AKT1: variants seen among roughly 807,000 people sequenced by gnomAD.
AKT1 encodes the protein AKT serine/threonine kinase 1.
In AKT1, 21 loss-of-function variants were observed where a neutral mutation model predicts 63.1. The observed-to-expected ratio is 0.33, with a 90% CI of 0.24 to 0.48. The LOEUF is 0.48. AKT1 is among the 20% of genes least tolerant of loss of function. The pLI, the probability that AKT1 is intolerant of heterozygous loss-of-function variation, is 0.99. For missense variants in AKT1, 382 were observed against 666.0 expected, an observed-to-expected ratio of 0.57 and a Z score of 4.69; for synonymous variants, 257 against 253.1, an observed-to-expected ratio of 1.02 and a Z score of -0.15.
chr14:104,773,816 G>C, intron 9 of AKT1, 96 bp downstream of exon 9: 1 of 1,350,906 alleles, frequency 7.4e-7, no homozygotes, highest in South Asian at 1.3e-5. Flanking sequence ...GCACCGTCTG[G>C]TGCCATGGAG....
chr14:104,781,482 C>T (rs1356084792), intron 3 of AKT1, among the ~76,000 whole-genome samples: 1 of 152,146 alleles, frequency 6.6e-6, no homozygotes, highest in Non-Finnish European at 1.5e-5. Context: ...GCTCAGAGGA[C>T]ATGGGTCATG....
intron 4 of AKT1, 76 bp from the exon 5 acceptor site, chr14:104,776,846 C>T: frequency 1.6e-6 from 2 of 1,240,276 alleles, no homozygotes; most frequent in African/African-American, 3.0e-5. Flanking sequence ...CCCCGCTGCA[C>T]CAGCCAGCTC....
At chr14:104,790,150 G>A (rs560120450) in intron 3 of AKT1, among the ~76,000 whole-genome samples, 3 of 152,348 alleles carry the variant, frequency 2.0e-5, no homozygotes, top group African/African-American at 2.4e-5. Context: ...TAGCCGTGGT[G>A]GGACTGTCAC....
intron 4 of AKT1, among the ~76,000 whole-genome samples, chr14:104,779,548 G>A (rs968545570): frequency 8.6e-5 from 13 of 151,998 alleles, no homozygotes; most frequent in South Asian, 2.1e-4. Context: ...CCACTTGTCC[G>A]GACCCTCCAG....
At chr14:104,783,295 C>G (rs1893163110) in intron 3 of AKT1, among the ~76,000 whole-genome samples, 1 of 152,142 alleles carries the variant, frequency 6.6e-6, no homozygotes, top group South Asian at 2.1e-4. Context: ...TGTTGTGGTC[C>G]TCAGATGCCC....
intron 8 of AKT1, 174 bp from the exon 9 acceptor site, chr14:104,774,154 T>C: frequency 1.7e-6 from 1 of 587,302 alleles, no homozygotes; most frequent in Non-Finnish European, 3.1e-6. Flanking sequence ...GATACCACAC[T>C]GCCCCACACC....
At chr14:104,776,547 C>A in intron 5 of AKT1, 112 bp downstream of exon 5, 1 of 892,752 alleles carries the variant, frequency 1.1e-6, no homozygotes, top group Non-Finnish European at 1.7e-6. Flanking sequence ...CCTGGGAGCA[C>A]TGGGGAGTGA....
chr14:104,773,876 G>A (rs2140909554), intron 9 of AKT1, 36 bp downstream of exon 9: 1 of 1,571,488 alleles, frequency 6.4e-7, no homozygotes, highest in Non-Finnish European at 8.7e-7. Context: ...CGGCCCACAG[G>A]CCGCGAAGTC....
At position 104,769,806 on chromosome 14, in the gene AKT1, C is replaced by T. The variant is rs968773919; in HGVS notation, c.*535G>A. 2 of 389,896 alleles carry T rather than the reference C, an allele frequency of 5.1e-6. No homozygotes were observed. The highest frequency in any genetic ancestry group is 4.8e-5 in the South Asian group (2 of 41,974). 24.2% of individuals were successfully genotyped at this position (389,896 alleles called of 1,614,324 possible). The stretch of plus-strand genomic sequence containing the variant: ...ATCCCAGGGGCCCAGCCTCCGATGA[C>T]GTCCTCAGAGACACGGCCTTAGTGC... On this transcript the variant is annotated 3_prime_UTR_variant, in exon 15 of 15. Coordinates refer to ENST00000649815, the MANE Select transcript of AKT1 (RefSeq NM_001382430.1).
At chr14:104,777,101 A>T (rs1454247297) in intron 4 of AKT1, 1 of 299,906 alleles carries the variant, frequency 3.3e-6, no homozygotes. Flanking sequence ...GATGAGGGGT[A>T]TGGAGATCCC....
Position 104,780,713 on chromosome 14 carries a change from GC to G in AKT1, c.47-498del, listed in dbSNP as rs35707077. The stretch of plus-strand genomic sequence containing the variant: ...CTTGTGTGGGCTGCCCAGCATGGCC[GC>G]CCCCCCCGCCCCGCCGCCACCCACC... On this transcript the variant is annotated intron_variant, in intron 3 of 14. Coordinates refer to ENST00000649815, the MANE Select transcript of AKT1 (RefSeq NM_001382430.1). Among the ~76,000 whole-genome samples the G allele has an allele frequency of 2.7e-3, 414 of 150,840 alleles. 1 individual carries two copies. Among genetic ancestry groups the G allele is most frequent in the African/African-American group, 9.2e-3 (374 of 40,872 alleles).
chr14:104,783,299 G>T (rs1469854826), intron 3 of AKT1, among the ~76,000 whole-genome samples: 1 of 152,142 alleles, frequency 6.6e-6, no homozygotes, highest in Non-Finnish European at 1.5e-5. Flanking sequence ...GTGGTCCTCA[G>T]ATGCCCCCCA....
Position 104,772,943 on chromosome 14 carries a change from C to T in AKT1, c.1107G>A (p.Pro369=), listed in dbSNP as rs150399268. 36 of 1,614,008 alleles carry T rather than the reference C, an allele frequency of 2.2e-5. No individual in the cohort carries two copies. The highest frequency in any genetic ancestry group is 2.1e-4 in the African/African-American group (16 of 75,016). The change falls in exon 12 of 15, where the codon CCG becomes CCA. Residue 369 remains proline (P), a synonymous_variant. Coordinates refer to ENST00000649815, the MANE Select transcript of AKT1 (RefSeq NM_001382430.1). ...ACTTGGCCTCGGGACCAAGCGTGCG[C>T]GGGAAGCGGATCTCCTCCATGAGGA... ...ELILMEEIRF[P]RTLGPEAKSL...
At chr14:104,777,802 C>T (rs369956231) in intron 4 of AKT1, 1 of 935,870 alleles carries the variant, frequency 1.1e-6, no homozygotes, top group Non-Finnish European at 1.3e-6. Context: ...AAGCTGTCTT[C>T]CAGGCCTGGG....
At chr14:104,774,054 C>T (rs3730360) in intron 8 of AKT1, 74 bp from the exon 9 acceptor site, 71 of 1,437,340 alleles carry the variant, frequency 4.9e-5, no homozygotes, top group Non-Finnish European at 6.3e-5. Context: ...CCCGACACCA[C>T]GCTGCTTGAT....
chr14:104,782,480 T>A, intron 3 of AKT1, among the ~76,000 whole-genome samples: 1 of 152,144 alleles, frequency 6.6e-6, no homozygotes, highest in East Asian at 1.9e-4. Context: ...AGCCCCAGGT[T>A]CTGTGAGCTG....
chr14:104,771,047 A>G, intron 13 of AKT1, 200 bp from the exon 14 acceptor site: 2 of 581,100 alleles, frequency 3.4e-6, no homozygotes, highest in South Asian at 2.1e-5. Flanking sequence ...GAGCACGGAG[A>G]CAACCCTCAA....
At chr14:104,774,898 C>G (rs748705539) in intron 8 of AKT1, 40 bp downstream of exon 8, 15 of 1,590,616 alleles carry the variant, frequency 9.4e-6, no homozygotes, top group African/African-American at 1.4e-5. Context: ...GAGTCGCTAC[C>G]TGGCCCCAGC....
At chr14:104,787,058 T>TG (rs925111912) in intron 3 of AKT1, among the ~76,000 whole-genome samples, 9 of 152,126 alleles carry the variant, frequency 5.9e-5, no homozygotes, top group Non-Finnish European at 1.2e-4. Context: ...CGGGCCCGCC[T>TG]GGGGGGTGTG....
Sources: gnomAD v4.1 joint callset for allele counts (sites outside exome capture counted in the v4.1 genomes callset) on GRCh38, gnomAD v4.1.1 for gene constraint, MANE v1.5 for transcripts, NCBI Gene and HGNC (gene_info 2026-07-23, HGNC 2026-07-21) for gene names.